SLC17A9: variants seen among roughly 807,000 people sequenced by gnomAD.
SLC17A9 encodes voltage-gated purine nucleotide uniporter SLC17A9.
Under a neutral mutation model 55.0 loss-of-function variants are expected in SLC17A9, and 49 were observed. The observed-to-expected ratio is 0.89, with a 90% CI of 0.71 to 1.13. The LOEUF (loss-of-function observed/expected upper bound fraction) is 1.13, where lower values mean the gene tolerates loss of function less well. Among genes scored for constraint, SLC17A9 ranks in the 50% most tolerant of loss-of-function variants. SLC17A9 has a pLI of 0.00. For synonymous variants in SLC17A9, 256 were observed against 247.4 expected (o/e 1.03, Z -0.32); for missense variants, 526 against 569.3 (o/e 0.92, Z 0.77).
At position 62,957,576 on chromosome 20, in the gene SLC17A9, C is replaced by G; in HGVS notation, c.393C>G (p.Leu131=). 6.4e-7 allele frequency: 1 copy of G among 1,556,224 alleles called. No homozygotes were observed. The highest frequency in any genetic ancestry group is 8.7e-7 in the Non-Finnish European group (1 of 1,153,150). The stretch of plus-strand genomic sequence containing the variant: ...TCTCACGCATCCTCATGGGCTTGCT[C>G]CAAGGTAAGGGGAGCTCAGGCGGCT... ...MTFSRILMGL[L]QGVYFPALTS... Residue 131 remains leucine (L), a synonymous_variant, in exon 3 of 13, where the codon CTC becomes CTG. Transcript: ENST00000370351.
At chr20:62,954,365 T>C (rs1858506616) in intron 1 of SLC17A9, among the ~76,000 whole-genome samples, 1 of 152,206 alleles carries the variant, frequency 6.6e-6, no homozygotes, top group African/African-American at 2.4e-5. Flanking sequence ...GGTTTGCTGC[T>C]CGCCTGGCCC....
chr20:62,963,870 T>C (rs2147657894), intron 7 of SLC17A9, 190 bp downstream of exon 7: 1 of 619,078 alleles, frequency 1.6e-6, no homozygotes, highest in East Asian at 2.8e-5. Flanking sequence ...GTTTCTGTGT[T>C]TGAGGCTGGA....
At chr20:62,957,668 TGCGTGCATGCAGGTGGTGTACAA>T (rs2065549376) in intron 3 of SLC17A9, 88 bp downstream of exon 3, 9 of 1,177,666 alleles carry the variant, frequency 7.6e-6, no homozygotes, top group Non-Finnish European at 1.0e-5. Context: ...TGCAGGTGCA[TGCGTGCATGCAGGTGGTGTACAA>T]GTGTGTGTGT....
Position 62,952,711 on chromosome 20 carries a change from A to ACGGAAG in SLC17A9, c.-117_-112dup, listed in dbSNP as rs918781433. 1.7e-5 allele frequency: 19 copies of ACGGAAG among 1,106,438 alleles called. No homozygotes were observed. Among genetic ancestry groups the ACGGAAG allele is most frequent in the Non-Finnish European group, 2.4e-5 (19 of 807,416 alleles). 68.5% of individuals were successfully genotyped at this position (1,106,438 alleles called of 1,614,324 possible). ...GGGCGACAAGTCCTGAGAGAACCAG[A>ACGGAAG]CGGAAGCGCGCTGGGACTGACACGT... is the stretch of plus-strand genomic sequence containing the variant. On this transcript the variant is annotated 5_prime_UTR_variant, in exon 1 of 13. Transcript: ENST00000370351.
Position 62,968,960 on chromosome 20 carries a change from C to T in SLC17A9, c.*1460C>T, listed in dbSNP as rs916165864. The T allele has an allele frequency of 1.3e-4, 20 of 152,304 alleles. No individual in the cohort carries two copies. Among genetic ancestry groups the T allele is most frequent in the African/African-American group, 3.9e-4 (16 of 41,464 alleles). 9.4% of individuals were successfully genotyped at this position (152,304 alleles called of 1,614,324 possible). On this transcript the variant is annotated 3_prime_UTR_variant, in exon 13 of 13. Coordinates refer to ENST00000370351, the MANE Select transcript of SLC17A9 (RefSeq NM_022082.4). ...GCACAAATGTTCCCCTACAATCTCT[C>T]CAGTTTCGGTCAGCCCAACCCTGTG...
In SLC17A9 at chr20:62,962,636, C is replaced by T. The variant is rs369346145; in HGVS notation, c.510C>T (p.Thr170=). The change falls in exon 5 of 13, where the codon ACC becomes ACT. Residue 170 remains threonine (T), a synonymous_variant. Transcript: ENST00000370351. The surrounding 1 kb of genome is among the most constrained non-coding windows in gnomAD (Gnocchi z 5.5). ...CCTGTCTTTGCAGGACGCTGCTGAC[C>T]GGGGCGGTGGGCTCCCTGCTCCTGG... ...GAGSQFGTLL[T]GAVGSLLLEW... is the part of the protein sequence containing the mutation. 23 of 1,613,774 alleles carry T rather than the reference C, an allele frequency of 1.4e-5. No homozygotes were observed. Among genetic ancestry groups the T allele is most frequent in the Non-Finnish European group, 1.7e-5 (20 of 1,179,860 alleles).
At chr20:62,965,535 G>A (rs945253317) in intron 9 of SLC17A9, 75 bp from the exon 10 acceptor site, 10 of 1,401,494 alleles carry the variant, frequency 7.1e-6, no homozygotes, top group African/African-American at 4.3e-5. Flanking sequence ...GGGGGCTTTC[G>A]GGCAGCTGAG....
Position 62,968,122 on chromosome 20 carries a change from C to T in SLC17A9, c.*622C>T, listed in dbSNP as rs1047126. ...TCCCCAGGTAGCCACCCTCGAGACA[C>T]GACCTCAGAGTCTCTGTGTCTCCTA... On this transcript the variant is annotated 3_prime_UTR_variant, in exon 13 of 13. Transcript: ENST00000370351. The T allele has an allele frequency of 0.5, 76,422 of 152,358 alleles. 19,986 individuals carry two copies. The highest frequency in any genetic ancestry group is 0.75 in the East Asian group (3,858 of 5,156). 9.4% of individuals were successfully genotyped at this position (152,358 alleles called of 1,614,324 possible). A position where few individuals can be genotyped will look rare whatever the true frequency, so the allele number is the denominator to read the frequency against.
At chr20:62,955,883 CAG>C (rs2065532814) in intron 1 of SLC17A9, among the ~76,000 whole-genome samples, 1 of 152,238 alleles carries the variant, frequency 6.6e-6, no homozygotes, top group Non-Finnish European at 1.5e-5. Context: ...TGGGGCAAGC[CAG>C]TTGTCCCCAG....
chr20:62,954,276 C>G (rs1366785773), intron 1 of SLC17A9, among the ~76,000 whole-genome samples: 2 of 152,202 alleles, frequency 1.3e-5, no homozygotes, highest in Non-Finnish European at 2.9e-5. Context: ...ACGCCTTTTC[C>G]TAGCCCGCCC....
chr20:62,960,944 C>T (rs1395546229), intron 4 of SLC17A9, among the ~76,000 whole-genome samples: 2 of 152,268 alleles, frequency 1.3e-5, no homozygotes, highest in African/African-American at 4.8e-5. Flanking sequence ...TCCGCTGGCC[C>T]CCACCCTCGA....
At chr20:62,953,428 A>T (rs551715978) in intron 1 of SLC17A9, among the ~76,000 whole-genome samples, 1 of 152,322 alleles carries the variant, frequency 6.6e-6, no homozygotes, top group African/African-American at 2.4e-5. Flanking sequence ...TCGCCTGGCC[A>T]CCAGCACTGC....
intron 7 of SLC17A9, 80 bp downstream of exon 7, chr20:62,963,760 G>C: frequency 7.5e-7 from 1 of 1,329,074 alleles, no homozygotes; most frequent in Non-Finnish European, 1.0e-6. Flanking sequence ...GTGGGTCCTT[G>C]GCCTGCAGAT....
intron 8 of SLC17A9, among the ~76,000 whole-genome samples, chr20:62,964,555 C>T (rs2065618164): frequency 6.6e-6 from 1 of 152,144 alleles, no homozygotes; most frequent in African/African-American, 2.4e-5. Context: ...CCTGACCCTC[C>T]AGGAAGGCAC....
In SLC17A9 at chr20:62,965,181, C is replaced by T. The variant is rs780320147; in HGVS notation, c.945+15C>T. ...AGCTCATGCAGGTAGGAGAATCATT[C>T]CGGTCGTTCTCTCTGGATATCCCTG... On this transcript the variant is annotated intron_variant, in intron 9 of 12. Transcript: ENST00000370351. 5.6e-6 allele frequency: 9 copies of T among 1,614,134 alleles called. No homozygotes were observed. The highest frequency in any genetic ancestry group is 1.1e-5 in the South Asian group (1 of 91,086).
rs550736683 is a variant in SLC17A9 at position 62,957,401 on chromosome 20, T to A, written c.258-40T>A. On this transcript the variant is annotated intron_variant, in intron 2 of 12. Coordinates refer to ENST00000370351, the MANE Select transcript of SLC17A9 (RefSeq NM_022082.4). ...GAGTCAGGGTGGTGCCCCTTGGTCCTGCACAGCCACATCCTCACCTCCCTC... is the reference window on the plus strand; with the variant it reads ...GAGTCAGGGTGGTGCCCCTTGGTCCAGCACAGCCACATCCTCACCTCCCTC... The A allele has an allele frequency of 1.4e-5, 22 of 1,544,868 alleles. 1 individual carries two copies. In the South Asian group the frequency reaches 2.1e-4, roughly 15 times the overall value.
At chr20:62,966,312 G>A (rs2065637955) in intron 10 of SLC17A9, among the ~76,000 whole-genome samples, 1 of 141,722 alleles carries the variant, frequency 7.1e-6, no homozygotes, top group African/African-American at 2.7e-5. Flanking sequence ...GGCGTGGTGT[G>A]CAGGGCTGCA....
chr20:62,966,405 C>T (rs531954416), intron 10 of SLC17A9, 120 bp from the exon 11 acceptor site: 21 of 1,127,146 alleles, frequency 1.9e-5, no homozygotes, highest in South Asian at 5.7e-5. Flanking sequence ...CAGGCCTGAG[C>T]GTGTCCCAGC....
In SLC17A9 at chr20:62,965,697, T is replaced by C; in HGVS notation, c.1033T>C (p.Ser345Pro). 6.2e-7 allele frequency: 1 copy of C among 1,613,888 alleles called. No homozygotes were observed. The highest frequency in any genetic ancestry group is 1.7e-5 in the Admixed American group (1 of 60,028). Reference protein sequence around the residue: ...FCESVVFASASIGLQTFNHSG... With the variant: ...FCESVVFASAPIGLQTFNHSG... ...TGAGTCTGTGGTCTTTGCATCAGCC[T>C]CCATCGGCCTCCAGACCTTCAACCA... The change falls in exon 10 of 13, where the codon TCC becomes CCC. Residue 345 changes from serine to proline, a missense_variant. Ser to Pro is a moderately conservative substitution (Grantham distance 74, BLOSUM62 -1). Transcript: ENST00000370351.
Sources: allele counts gnomAD v4.1 joint callset (sites outside exome capture counted in the v4.1 genomes callset), GRCh38; gene constraint gnomAD v4.1.1; non-coding constraint Gnocchi (gnomAD v3.1); transcripts MANE v1.5; gene names NCBI Gene and HGNC (gene_info 2026-07-23, HGNC 2026-07-21).